The following DLD variants were observed in gnomAD, a reference collection of about 807,000 sequenced individuals.
DLD encodes the protein dihydrolipoyl dehydrogenase, mitochondrial.
DLD carries 36 observed loss-of-function variants against 62.2 expected under a neutral mutation model. The observed-to-expected ratio is 0.58, with a 90% CI of 0.44 to 0.76. DLD has a LOEUF of 0.76. DLD is among the 30% of genes least tolerant of loss of function. DLD has a pLI of 0.00. For missense variants in DLD, 541 were observed against 608.6 expected (o/e 0.89, Z 1.17); for synonymous variants, 204 against 199.6 (o/e 1.02, Z -0.19).
At chr7:107,916,734 T>G in intron 9 of DLD, 60 bp from the exon 10 acceptor site, 1 of 1,525,586 alleles carries the variant, frequency 6.6e-7, no homozygotes, top group Non-Finnish European at 9.1e-7. Context: ...GCCTTAAATT[T>G]CTAAGCCTAT....
At chr7:107,918,848 G>C (rs1417986840) in intron 12 of DLD, among the ~76,000 whole-genome samples, 162 bp from the exon 13 acceptor site, 1 of 152,206 alleles carries the variant, frequency 6.6e-6, no homozygotes, top group Non-Finnish European at 1.5e-5. Context: ...AAGCTCTTCT[G>C]TGTCACCTTT....
At chr7:107,901,465 A>G (rs897134555) in intron 2 of DLD, among the ~76,000 whole-genome samples, 1 of 152,184 alleles carries the variant, frequency 6.6e-6, no homozygotes, top group African/African-American at 2.4e-5. Context: ...AGGTCAGTGA[A>G]TACAATGTGA....
At chr7:107,916,745 C>T (rs773396519) in intron 9 of DLD, 49 bp from the exon 10 acceptor site, 4 of 1,546,054 alleles carry the variant, frequency 2.6e-6, no homozygotes, top group Admixed American at 1.7e-5. Context: ...CTAAGCCTAT[C>T]AATTTATGTA....
chr7:107,916,896 G>A lies in DLD; in HGVS notation c.978G>A (p.Glu326=). 1 of 1,613,636 alleles carries A rather than the reference G, an allele frequency of 6.2e-7. No homozygotes were observed. The highest frequency in any genetic ancestry group is 8.5e-7 in the Non-Finnish European group (1 of 1,179,948). ...TTACTAAGAATTTGGGACTAGAAGA[G>A]CTGGGAATTGAACTAGATCCCAGAG... ...RPFTKNLGLE[E]LGIELDPRGR... Residue 326 remains glutamate (E), a synonymous_variant, in exon 10 of 14, where the codon GAG becomes GAA. Transcript: ENST00000205402.
intron 12 of DLD, 62 bp from the exon 13 acceptor site, chr7:107,918,948 C>T: frequency 7.4e-7 from 1 of 1,343,260 alleles, no homozygotes; most frequent in Non-Finnish European, 1.1e-6. Context: ...TCAACAATTG[C>T]TATCCTATTA....
rs533405046 is a variant in DLD at position 107,915,584 on chromosome 7, A to T, written c.763A>T (p.Met255Leu). The T allele has an allele frequency of 6.2e-7, 1 of 1,613,746 alleles. No individual in the cohort carries two copies. Among genetic ancestry groups the T allele is most frequent in the African/African-American group, 1.3e-5 (1 of 74,904 alleles). ...TCATGTAGGTGGAGTTGGAATTGAT[A>T]TGGAGATATCTAAAAACTTTCAACG... ...LGHVGGVGIDMEISKNFQRIL... is the reference protein window; with the variant it reads ...LGHVGGVGIDLEISKNFQRIL... The change falls in exon 9 of 14, where the codon ATG becomes TTG. Residue 255 changes from methionine (M) to leucine (L), a missense_variant. Transcript: ENST00000205402.
intron 3 of DLD, 120 bp downstream of exon 3, chr7:107,901,937 T>A: frequency 1.2e-6 from 1 of 812,142 alleles, no homozygotes; most frequent in Non-Finnish European, 2.1e-6. Flanking sequence ...ATAAATTACT[T>A]GTAAGCCTGA....
At chr7:107,899,909 A>T (rs1169751434) in intron 2 of DLD, among the ~76,000 whole-genome samples, 2 of 152,060 alleles carry the variant, frequency 1.3e-5, no homozygotes, top group Non-Finnish European at 1.5e-5. Flanking sequence ...TTGTATTTAC[A>T]TTACTCTGAA....
rs1253073039 is a variant in DLD at position 107,905,433 on chromosome 7, A to C, written c.511A>C (p.Thr171Pro). 2 of 1,613,818 alleles carry C rather than the reference A, an allele frequency of 1.2e-6. No individual in the cohort carries two copies. The highest frequency in any genetic ancestry group is 3.3e-5 in the Admixed American group (2 of 60,016). ...QVTATKADGG[T>P]QVIDTKNILI... Reference sequence around the variant, plus strand: ...CACTGCTACGAAAGCTGATGGCGGCACTCAGGTTATTGATACAAAGAACAT... The same window carrying C: ...CACTGCTACGAAAGCTGATGGCGGCCCTCAGGTTATTGATACAAAGAACAT... Residue 171 changes from threonine (T) to proline (P), a missense_variant, in exon 7 of 14, where the codon ACT (threonine) becomes CCT (proline). Transcript: ENST00000205402.
chr7:107,916,580 G>A (rs1255725726), intron 9 of DLD, among the ~76,000 whole-genome samples: 1 of 152,056 alleles, frequency 6.6e-6, no homozygotes, highest in South Asian at 2.1e-4. Context: ...GCTGAGGCAG[G>A]AGAATCTCTG....
At position 107,895,631 on chromosome 7, in the gene DLD, T is replaced by C. The variant is rs530969949; in HGVS notation, c.118+2353T>C. ...CAAGACGGACAAGACCCAGCTTTTA[T>C]AGAGCTTACAATTCAGTTGAGGGAG... On this transcript the variant is annotated intron_variant, in intron 2 of 13. Transcript: ENST00000205402. Among the ~76,000 whole-genome samples the C allele has an allele frequency of 3.9e-5, 6 of 152,358 alleles. No homozygotes were observed. In the South Asian group the frequency reaches 1.2e-3, roughly 32 times the overall value.
intron 3 of DLD, 70 bp from the exon 4 acceptor site, chr7:107,902,255 A>G (rs2031893991): frequency 3.8e-6 from 5 of 1,322,692 alleles, no homozygotes; most frequent in Admixed American, 3.4e-5. Context: ...ATTAAGACAT[A>G]TATTTGGAAT....
Position 107,905,421 on chromosome 7 carries a change from GC to G in DLD, c.500del (p.Ala167ValfsTer15). The G allele has an allele frequency of 6.2e-7, 1 of 1,613,818 alleles. No individual in the cohort carries two copies. Among genetic ancestry groups the G allele is most frequent in the East Asian group, 2.2e-5 (1 of 44,854 alleles). On this transcript the variant is annotated frameshift_variant, in exon 7 of 14. Coordinates refer to ENST00000205402, the MANE Select transcript of DLD (RefSeq NM_000108.5). LOFTEE classifies it high-confidence loss of function. Reference sequence around the variant, plus strand: ...CAAAAATCAAGTCACTGCTACGAAAGCTGATGGCGGCACTCAGGTTATTGAT... The same window carrying G: ...CAAAAATCAAGTCACTGCTACGAAAGTGATGGCGGCACTCAGGTTATTGAT... ...TGKNQVTATK[A>X]DGGTQVIDTK...
chr7:107,915,302 T>G (rs1301080521), intron 8 of DLD, among the ~76,000 whole-genome samples: 1 of 152,220 alleles, frequency 6.6e-6, no homozygotes, highest in Admixed American at 6.5e-5. Flanking sequence ...ATGTAGTAGA[T>G]GTTCAACAAA....
intron 8 of DLD, among the ~76,000 whole-genome samples, chr7:107,908,370 C>T (rs1056576736): frequency 5.9e-5 from 9 of 151,742 alleles, no homozygotes; most frequent in Admixed American, 2.0e-4. Flanking sequence ...AGGCTGGTCT[C>T]GAACTCCTGA....
At chr7:107,891,137 G>T, upstream of DLD, 2 of 1,364,606 alleles carry the variant, frequency 1.5e-6, no homozygotes, top group East Asian at 2.4e-5. Context: ...CGCTGCTCCC[G>T]GGTGATGACG....
rs2032286088 is a variant in DLD, at chr7:107,916,945, T to G, written c.1027T>G (p.Phe343Val). ...AGGTAGAATTCCAGTCAATACCAGA[T>G]TTCAAACTAAAATTCCAAAGTAAGT... ...PRGRIPVNTRFQTKIPNIYAI... is the reference protein window; with the variant it reads ...PRGRIPVNTRVQTKIPNIYAI... Residue 343 changes from phenylalanine to valine, a missense_variant, in exon 10 of 14, where the codon TTT (phenylalanine) becomes GTT (valine). Coordinates refer to ENST00000205402, the MANE Select transcript of DLD (RefSeq NM_000108.5). 1.9e-6 allele frequency: 3 copies of G among 1,613,918 alleles called. No individual in the cohort carries two copies. The highest frequency in any genetic ancestry group is 2.5e-6 in the Non-Finnish European group (3 of 1,179,974).
rs763952630 is a variant in DLD, at chr7:107,902,379, T to C, written c.253T>C (p.Cys85Arg). Residue 85 changes from cysteine to arginine, a missense_variant, in exon 4 of 14, where the codon TGT (cysteine) becomes CGT (arginine). Physicochemically the swap from Cys to Arg is radical, Grantham distance 180 (BLOSUM62 -3). Transcript: ENST00000205402. ...TLGGTCLNVG[C>R]IPSKALLNNS... ...TGGTGGAACATGCTTGAATGTTGGT[T>C]GTATTCCTTCTAAGGTGAGCATGTG... 1 of 1,613,918 alleles carries C rather than the reference T, an allele frequency of 6.2e-7. No homozygotes were observed. Among genetic ancestry groups the C allele is most frequent in the Middle Eastern group, 1.7e-4 (1 of 6,058 alleles).
rs886134791 is a variant in DLD, at chr7:107,905,876, T to C, written c.582+372T>C. 2.8e-5 allele frequency: 9 copies of C among 325,234 alleles called. No homozygotes were observed. In the Admixed American group the frequency reaches 3.3e-4, roughly 12 times the overall value. 20.1% of individuals were successfully genotyped at this position (325,234 alleles called of 1,614,324 possible). A position where few individuals can be genotyped will look rare whatever the true frequency, so the allele number is the denominator to read the frequency against. ...ACTGAGATCACAGTTTATAAATACATTTATCTCTTCATATCCTTGGAGGAT... is the reference window on the plus strand; with the variant it reads ...ACTGAGATCACAGTTTATAAATACACTTATCTCTTCATATCCTTGGAGGAT... On this transcript the variant is annotated intron_variant, in intron 7 of 13. Coordinates refer to ENST00000205402, the MANE Select transcript of DLD (RefSeq NM_000108.5).
Sources: gnomAD v4.1 joint callset for allele counts (sites outside exome capture counted in the v4.1 genomes callset) on GRCh38, gnomAD v4.1.1 for gene constraint, MANE v1.5 for transcripts, NCBI Gene and HGNC (gene_info 2026-07-23, HGNC 2026-07-21) for gene names.